The following TBC1D23 variants were observed in gnomAD, a reference collection of about 807,000 sequenced individuals.
TBC1D23 encodes HCV non-structural protein 4A-transactivated protein 1.
A neutral mutation model predicts 91.4 loss-of-function variants in TBC1D23; 55 were observed. The ratio of observed to expected loss-of-function variants is 0.60; its 90% CI spans 0.48 to 0.75. The LOEUF (loss-of-function observed/expected upper bound fraction) is 0.75, where lower values mean the gene tolerates loss of function less well. Ranked by LOEUF, TBC1D23 falls within the 30% of genes least tolerant of loss-of-function variation. The probability of loss-of-function intolerance (pLI) is 0.00; values close to 1 mark genes in which losing one functional copy is unlikely to be tolerated. For synonymous variants in TBC1D23, 289 were observed against 281.0 expected (o/e 1.03, Z -0.28); for missense variants, 725 against 836.1 (o/e 0.87, Z 1.64).
At chr3:100,290,393 C>G (rs1197503442) in intron 4 of TBC1D23, among the ~76,000 whole-genome samples, 185 bp from the exon 5 acceptor site, 1 of 152,136 alleles carries the variant, frequency 6.6e-6, no homozygotes, top group African/African-American at 2.4e-5. Flanking sequence ...GGCTTTAGAC[C>G]TACTGTTTCT....
chr3:100,290,675 A>C lies in TBC1D23; in HGVS notation c.574A>C (p.Thr192Pro). The change falls in exon 5 of 19, where the codon ACT becomes CCT. Residue 192 changes from threonine to proline, a missense_variant. Coordinates refer to ENST00000394144, the MANE Select transcript of TBC1D23 (RefSeq NM_001199198.3). ...TTCTTATCTTGATACAAAGAAAATTACTCCAGACTCCTATGCACTCAACTG... is the reference window on the plus strand; with the variant it reads ...TTCTTATCTTGATACAAAGAAAATTCCTCCAGACTCCTATGCACTCAACTG... ...LCSYLDTKKI[T>P]PDSYALNWLG... is the part of the protein sequence containing the mutation. The C allele has an allele frequency of 6.2e-7, 1 of 1,612,414 alleles. No homozygotes were observed. Among genetic ancestry groups the C allele is most frequent in the Non-Finnish European group, 8.5e-7 (1 of 1,178,940 alleles).
chr3:100,261,350 G>C (rs2148846085), intron 1 of TBC1D23: 1 of 495,842 alleles, frequency 2.0e-6, no homozygotes, highest in Middle Eastern at 5.4e-4. Context: ...AAGTGTGCTG[G>C]AGTGGGTGGC....
intron 1 of TBC1D23, among the ~76,000 whole-genome samples, chr3:100,274,847 A>C (rs2067633496): frequency 1.3e-5 from 2 of 148,962 alleles, no homozygotes; most frequent in Admixed American, 1.3e-4. Flanking sequence ...TATGATAAAT[A>C]TATAATATTT....
chr3:100,322,513 T>A (rs1371105206), intron 18 of TBC1D23, among the ~76,000 whole-genome samples: 1 of 152,244 alleles, frequency 6.6e-6, no homozygotes, highest in South Asian at 2.1e-4. Context: ...TGTTTCACTA[T>A]TAATCTTCTA....
intron 10 of TBC1D23, among the ~76,000 whole-genome samples, chr3:100,300,620 G>A (rs1705407566): frequency 6.7e-6 from 1 of 150,262 alleles, no homozygotes; most frequent in East Asian, 2.0e-4. Flanking sequence ...CCTAGCCTCA[G>A]CCTCCCGAGT....
intron 15 of TBC1D23, 124 bp from the exon 16 acceptor site, chr3:100,315,975 T>G: frequency 6.9e-6 from 5 of 720,494 alleles, no homozygotes; most frequent in Non-Finnish European, 9.9e-6. Context: ...GGGTAGTACA[T>G]GGGGTTTTGG....
At chr3:100,278,288 A>T (rs997261385) in intron 1 of TBC1D23, among the ~76,000 whole-genome samples, 8 of 152,192 alleles carry the variant, frequency 5.3e-5, no homozygotes, top group Non-Finnish European at 4.4e-5. Context: ...TGTCCAGGTT[A>T]TGAAGCTCTT....
At chr3:100,272,136 G>A (rs1325661203) in intron 1 of TBC1D23, among the ~76,000 whole-genome samples, 3 of 152,154 alleles carry the variant, frequency 2.0e-5, no homozygotes, top group South Asian at 2.1e-4. Context: ...TTACTTCCAA[G>A]TTTATCATAC....
intron 5 of TBC1D23, among the ~76,000 whole-genome samples, chr3:100,293,967 A>C (rs1184885412): frequency 3.3e-5 from 5 of 152,222 alleles, no homozygotes; most frequent in African/African-American, 1.2e-4. Flanking sequence ...TGTTGTGAGA[A>C]TTTAAGTAAG....
At chr3:100,261,232 T>G (rs1449504861) in intron 1 of TBC1D23, 161 bp downstream of exon 1, 6 of 659,354 alleles carry the variant, frequency 9.1e-6, no homozygotes, top group Non-Finnish European at 1.6e-5. Flanking sequence ...GGGTGCCCCC[T>G]GCCTGCCTGG....
intron 17 of TBC1D23, among the ~76,000 whole-genome samples, chr3:100,319,871 C>A (rs985427270): frequency 6.6e-6 from 1 of 152,082 alleles, no homozygotes; most frequent in Non-Finnish European, 1.5e-5. Flanking sequence ...TCCCTAAATG[C>A]TTCAGCATAA....
intron 15 of TBC1D23, among the ~76,000 whole-genome samples, chr3:100,312,634 C>T (rs1705645004): frequency 6.6e-6 from 1 of 151,948 alleles, no homozygotes; most frequent in Non-Finnish European, 1.5e-5. Flanking sequence ...CTTATACTCA[C>T]AGAATTTTTC....
intron 1 of TBC1D23, among the ~76,000 whole-genome samples, chr3:100,278,714 G>A (rs760655602): frequency 2.0e-5 from 3 of 152,042 alleles, no homozygotes; most frequent in Non-Finnish European, 4.4e-5. Context: ...TTATTTTCTG[G>A]CTAGAAAACA....
chr3:100,293,234 C>T (rs987180466), intron 5 of TBC1D23, among the ~76,000 whole-genome samples: 3 of 152,040 alleles, frequency 2.0e-5, no homozygotes, highest in East Asian at 3.9e-4. Context: ...CCTGGGTTCA[C>T]GCCATTCTTC....
chr3:100,304,469 C>CT (rs1393760780), intron 11 of TBC1D23, among the ~76,000 whole-genome samples: 1 of 151,628 alleles, frequency 6.6e-6, no homozygotes, highest in African/African-American at 2.4e-5. Context: ...TGTAATGTTT[C>CT]TTTTTATATT....
At chr3:100,298,402 A>T (rs1342346718) in intron 9 of TBC1D23, among the ~76,000 whole-genome samples, 1 of 152,220 alleles carries the variant, frequency 6.6e-6, no homozygotes, top group African/African-American at 2.4e-5. Flanking sequence ...CAGCTAATTG[A>T]ATTACATGGT....
At chr3:100,280,845 A>G (rs903190672) in intron 2 of TBC1D23, among the ~76,000 whole-genome samples, 1 of 152,166 alleles carries the variant, frequency 6.6e-6, no homozygotes, top group African/African-American at 2.4e-5. Context: ...AGCATACTAA[A>G]AGTCTGAAAC....
intron 1 of TBC1D23, among the ~76,000 whole-genome samples, chr3:100,262,377 T>G (rs2148846525): frequency 6.6e-6 from 1 of 152,286 alleles, no homozygotes; most frequent in East Asian, 1.9e-4. Flanking sequence ...GCCCCAGGGC[T>G]GTCTAATAGA....
chr3:100,275,170 G>C (rs550445060), intron 1 of TBC1D23, among the ~76,000 whole-genome samples: 1 of 151,964 alleles, frequency 6.6e-6, no homozygotes, highest in African/African-American at 2.4e-5. Flanking sequence ...TCACATCTTT[G>C]TCAACCTATG....
Sources: gnomAD v4.1 joint callset for allele counts (sites outside exome capture counted in the v4.1 genomes callset) on GRCh38, gnomAD v4.1.1 for gene constraint, MANE v1.5 for transcripts, NCBI Gene and HGNC (gene_info 2026-07-23, HGNC 2026-07-21) for gene names.